The following PARD3 variants were observed in gnomAD, a reference collection of about 807,000 sequenced individuals.
PARD3 encodes par-3 family cell polarity regulator.
PARD3 carries 75 observed loss-of-function variants against 155.4 expected under a neutral mutation model. The observed-to-expected ratio is 0.48, with a 90% CI of 0.40 to 0.58. The LOEUF (loss-of-function observed/expected upper bound fraction) is 0.58, where lower values mean the gene tolerates loss of function less well. Among genes scored for constraint, PARD3 ranks in the 20% least tolerant of loss-of-function variants. The pLI, the probability that PARD3 is intolerant of heterozygous loss-of-function variation, is 0.00. For synonymous variants in PARD3, 576 were observed against 610.5 expected (o/e 0.94, Z 0.83); for missense variants, 1,642 against 1,721.7 (o/e 0.95, Z 0.82).
intron 2 of PARD3, among the ~76,000 whole-genome samples, chr10:34,549,622 C>T (rs768230614): frequency 1.3e-5 from 2 of 152,088 alleles, no homozygotes; most frequent in Non-Finnish European, 2.9e-5. Context: ...AGTTTAGTGA[C>T]AAAACATTTA....
intron 2 of PARD3, among the ~76,000 whole-genome samples, chr10:34,677,728 G>A (rs1352881913): frequency 6.6e-6 from 1 of 152,134 alleles, no homozygotes; most frequent in African/African-American, 2.4e-5. Context: ...TCTCCGGGCA[G>A]GGGGACACAG....
At chr10:34,303,874 C>T (rs1286026701) in intron 20 of PARD3, among the ~76,000 whole-genome samples, 1 of 152,066 alleles carries the variant, frequency 6.6e-6, no homozygotes, top group African/African-American at 2.4e-5. Context: ...AAACTGCTAA[C>T]ACAGTCTGCG....
intron 22 of PARD3, among the ~76,000 whole-genome samples, chr10:34,196,824 T>C (rs910251467): frequency 6.6e-6 from 1 of 152,098 alleles, no homozygotes; most frequent in Non-Finnish European, 1.5e-5. Flanking sequence ...CCGCCCACCT[T>C]GGCCTCCCAG....
intron 22 of PARD3, among the ~76,000 whole-genome samples, chr10:34,212,681 G>C (rs1200128662): frequency 6.6e-6 from 1 of 150,810 alleles, no homozygotes; most frequent in Non-Finnish European, 1.5e-5. Flanking sequence ...TCTGAGGGGG[G>C]CAAAGGCCGC....
intron 22 of PARD3, among the ~76,000 whole-genome samples, chr10:34,241,400 G>A (rs550823321): frequency 2.5e-4 from 38 of 152,328 alleles, no homozygotes; most frequent in African/African-American, 8.7e-4. Flanking sequence ...ACCGGTGGAG[G>A]GGAGGGTGGT....
chr10:34,637,138 C>G (rs151275045), intron 2 of PARD3, among the ~76,000 whole-genome samples: 1 of 152,166 alleles, frequency 6.6e-6, no homozygotes, highest in East Asian at 1.9e-4. Context: ...TTCCAGAAAT[C>G]AATAAGTAAA....
intron 1 of PARD3, among the ~76,000 whole-genome samples, chr10:34,805,893 C>T (rs567513682): frequency 1.1e-4 from 16 of 151,918 alleles, no homozygotes; most frequent in South Asian, 8.3e-4. Flanking sequence ...AGGAGAATGG[C>T]GTGAACCTAG....
chr10:34,166,668 C>T (rs73266879), intron 22 of PARD3, among the ~76,000 whole-genome samples: 8,047 of 151,986 alleles, frequency 0.053, 595 homozygotes, highest in East Asian at 0.28. Context: ...CACCCATGTA[C>T]CCTGGCTGGG....
chr10:34,716,585 C>CTTTTTTTTTTTT (rs34751073), intron 1 of PARD3, among the ~76,000 whole-genome samples: 43 of 73,240 alleles, frequency 5.9e-4, no homozygotes, highest in Non-Finnish European at 8.4e-4. Context: ...GATGGCTTTT[C>CTTTTTTTTTTTT]TTTTTTTTTT....
At chr10:34,725,683 T>C (rs2094696108) in intron 1 of PARD3, among the ~76,000 whole-genome samples, 1 of 152,264 alleles carries the variant, frequency 6.6e-6, no homozygotes, top group East Asian at 1.9e-4. Context: ...CCTGGCTGTA[T>C]CAGAAACACC....
intron 5 of PARD3, among the ~76,000 whole-genome samples, chr10:34,446,380 C>A (rs962223250): frequency 3.9e-5 from 6 of 151,946 alleles, no homozygotes; most frequent in Non-Finnish European, 7.4e-5. Flanking sequence ...AGGTACCAGC[C>A]CTGATTCTAA....
At chr10:34,235,151 A>C (rs1336100612) in intron 22 of PARD3, among the ~76,000 whole-genome samples, 1 of 152,230 alleles carries the variant, frequency 6.6e-6, no homozygotes, top group Non-Finnish European at 1.5e-5. Context: ...TCTCCTGCTT[A>C]ATGTGAATTT....
chr10:34,494,044 A>G (rs1370729486), intron 3 of PARD3, among the ~76,000 whole-genome samples: 1 of 152,254 alleles, frequency 6.6e-6, no homozygotes, highest in African/African-American at 2.4e-5. Context: ...CGGTTTTCAG[A>G]GAGCCGGCTA....
chr10:34,693,712 T>G (rs2094112502), intron 2 of PARD3, among the ~76,000 whole-genome samples: 1 of 152,148 alleles, frequency 6.6e-6, no homozygotes, highest in South Asian at 2.1e-4. Context: ...AGAATAAAAC[T>G]TTTTTAAAAA....
chr10:34,431,128 T>C (rs1431486363), intron 5 of PARD3, among the ~76,000 whole-genome samples: 1 of 152,178 alleles, frequency 6.6e-6, no homozygotes, highest in African/African-American at 2.4e-5. Context: ...TTACTCCAGA[T>C]TGCAGTTAAT....
intron 1 of PARD3, among the ~76,000 whole-genome samples, chr10:34,769,954 T>A (rs1377781863): frequency 6.6e-6 from 1 of 152,134 alleles, no homozygotes; most frequent in Non-Finnish European, 1.5e-5. Flanking sequence ...GTTCCCCTTC[T>A]CTAGTACACC....
intron 2 of PARD3, among the ~76,000 whole-genome samples, chr10:34,669,656 G>A (rs1360246091): frequency 6.6e-6 from 1 of 151,722 alleles, no homozygotes; most frequent in Non-Finnish European, 1.5e-5. Flanking sequence ...TGCACCGTAA[G>A]AGAGAAGCAG....
At chr10:34,608,968 A>G (rs1434461979) in intron 2 of PARD3, among the ~76,000 whole-genome samples, 1 of 152,204 alleles carries the variant, frequency 6.6e-6, no homozygotes, top group East Asian at 1.9e-4. Context: ...ATACTGCACC[A>G]ACCAATATGA....
Position 34,572,819 on chromosome 10 carries a change from A to G in PARD3, c.223-55660T>C, listed in dbSNP as rs959426519. Reference sequence around the variant, plus strand: ...TGATTTTTTTTTTCTTTCTAAAGCTATAGATAAAACATAACAACTAGCTGT... The same window carrying G: ...TGATTTTTTTTTTCTTTCTAAAGCTGTAGATAAAACATAACAACTAGCTGT... On this transcript the variant is annotated intron_variant, in intron 2 of 24. Coordinates refer to ENST00000374788, the MANE Select transcript of PARD3 (RefSeq NM_001184785.2). Among the ~76,000 whole-genome samples, 3 of 151,958 alleles carry G rather than the reference A, an allele frequency of 2.0e-5. No homozygotes were observed. In the East Asian group the frequency reaches 5.8e-4, roughly 29 times the overall value.
Sources: gnomAD v4.1 joint callset for allele counts (sites outside exome capture counted in the v4.1 genomes callset) on GRCh38, gnomAD v4.1.1 for gene constraint, MANE v1.5 for transcripts, NCBI Gene and HGNC (gene_info 2026-07-23, HGNC 2026-07-21) for gene names.